SELENOI: variants seen among roughly 807,000 people sequenced by gnomAD.
SELENOI encodes ethanolaminephosphotransferase 1.
Under a neutral mutation model 50.7 loss-of-function variants are expected in SELENOI, and 24 were observed. That is an observed-to-expected ratio of 0.47 (90% CI 0.34 to 0.67). SELENOI has a LOEUF of 0.67. Among genes scored for constraint, SELENOI ranks in the 30% least tolerant of loss-of-function variants. The probability of loss-of-function intolerance (pLI) is 0.01; values close to 1 mark genes in which losing one functional copy is unlikely to be tolerated. For synonymous variants in SELENOI, 155 were observed against 170.2 expected, an observed-to-expected ratio of 0.91 and a Z score of 0.70; for missense variants, 352 against 461.4, an observed-to-expected ratio of 0.76 and a Z score of 2.17.
At chr2:26,359,133 A>C (rs1344255531) in intron 1 of SELENOI, among the ~76,000 whole-genome samples, 1 of 152,300 alleles carries the variant, frequency 6.6e-6, no homozygotes. Flanking sequence ...TCCAAGTGTT[A>C]TGTATTTGTT....
chr2:26,373,246 C>T (rs1414204744), intron 4 of SELENOI, 121 bp from the exon 5 acceptor site: 1 of 1,181,154 alleles, frequency 8.5e-7, no homozygotes. Context: ...CAGCTGATAG[C>T]TATACTTAAC....
At chr2:26,356,220 A>T (rs1197810266) in intron 1 of SELENOI, among the ~76,000 whole-genome samples, 1 of 152,012 alleles carries the variant, frequency 6.6e-6, no homozygotes, top group Admixed American at 6.6e-5. Context: ...GTACAGTGAC[A>T]TGTCATAGCT....
At chr2:26,352,732 C>T (rs978023293) in intron 1 of SELENOI, among the ~76,000 whole-genome samples, 1 of 151,320 alleles carries the variant, frequency 6.6e-6, no homozygotes, top group African/African-American at 2.4e-5. Context: ...TGCAGTGAGC[C>T]AAGATCGTGC....
chr2:26,354,997 G>C (rs370390774), intron 1 of SELENOI, among the ~76,000 whole-genome samples: 130 of 152,326 alleles, frequency 8.5e-4, no homozygotes, highest in African/African-American at 3.0e-3. Context: ...CATACCAGCT[G>C]TGTGATACTT....
Position 26,395,065 on chromosome 2 carries a change from G to C in SELENOI, c.*5962G>C, listed in dbSNP as rs1678059416. On this transcript the variant is annotated 3_prime_UTR_variant, in exon 10 of 10. Transcript: ENST00000260585. ...AATTGAACATATTAGTCATTGGTCT[G>C]TCTGGGACGTGCAGTGTTCATAGTA... 6.6e-6 allele frequency: 1 copy of C among 152,244 alleles called. No homozygotes were observed. The highest frequency in any genetic ancestry group is 2.4e-5 in the African/African-American group (1 of 41,464). The allele number at this position is 152,244 out of a possible 1,614,324, so 9.4% of individuals were successfully genotyped here.
chr2:26,370,824 C>A (rs1317529043), intron 4 of SELENOI, among the ~76,000 whole-genome samples: 1 of 123,596 alleles, frequency 8.1e-6, no homozygotes, highest in African/African-American at 3.4e-5. Flanking sequence ...GCTGGCCGGG[C>A]GGGGGGCTGA....
At chr2:26,385,783 G>A (rs1978652) in intron 8 of SELENOI, among the ~76,000 whole-genome samples, 14,150 of 152,112 alleles carry the variant, frequency 0.093, 1,648 homozygotes, top group East Asian at 0.57. Context: ...TGTTTGTAAC[G>A]TGTGTAATAT....
rs1678004183 is a variant in SELENOI, at chr2:26,392,975, T to G, written c.*3872T>G. Reference sequence around the variant, plus strand: ...ATGCTACATTTGAAGCACTCTGACATGTACATTTAAAGTGACAGTTTTAAA... The same window carrying G: ...ATGCTACATTTGAAGCACTCTGACAGGTACATTTAAAGTGACAGTTTTAAA... On this transcript the variant is annotated 3_prime_UTR_variant, in exon 10 of 10. Transcript: ENST00000260585. 6.6e-6 allele frequency: 1 copy of G among 152,502 alleles called. No individual in the cohort carries two copies. Among genetic ancestry groups the G allele is most frequent in the Non-Finnish European group, 1.5e-5 (1 of 68,038 alleles). 9.4% of individuals were successfully genotyped at this position (152,502 alleles called of 1,614,324 possible).
rs1449834024 is a variant in SELENOI, at chr2:26,375,109, A to C, written c.643A>C (p.Asn215His). ...VEAWYEPFLF[N>H]FLYRDLFTAM... ...GGCCTGGTATGAACCTTTCCTGTTT[A>C]ATTTCTTATATAGAGACCTATTCAC... The change falls in exon 6 of 10, where the codon AAT (asparagine) becomes CAT (histidine). Residue 215 changes from asparagine to histidine, a missense_variant. Physicochemically the swap from Asn to His is moderately conservative, Grantham distance 68 (BLOSUM62 1). Transcript: ENST00000260585. 6.2e-7 allele frequency: 1 copy of C among 1,612,686 alleles called. No homozygotes were observed. The highest frequency in any genetic ancestry group is 8.5e-7 in the Non-Finnish European group (1 of 1,179,014).
chr2:26,348,995 GCTT>G (rs1676887483), intron 1 of SELENOI, among the ~76,000 whole-genome samples: 3 of 86,946 alleles, frequency 3.5e-5, no homozygotes, highest in African/African-American at 1.1e-4. Context: ...TTTTGGACAG[GCTT>G]TTTTTTTTTT....
intron 4 of SELENOI, among the ~76,000 whole-genome samples, chr2:26,370,714 G>A (rs1432919067): frequency 1.4e-5 from 2 of 139,396 alleles, no homozygotes; most frequent in Non-Finnish European, 3.2e-5. Context: ...CTCACCTCCC[G>A]GACGGGGCGG....
At chr2:26,385,430 C>T (rs950283748) in intron 8 of SELENOI, among the ~76,000 whole-genome samples, 1 of 152,094 alleles carries the variant, frequency 6.6e-6, no homozygotes, top group African/African-American at 2.4e-5. Context: ...TATAGATTCC[C>T]TTTAGACTCT....
rs1412165631 is a variant in SELENOI, at chr2:26,346,292, AC to A, written c.57+5del. ...TGGCTGGCTTTGATAAGTACAAGGT[AC>A]CGCGGGCCGGCGGATGCCCCTCTCC... On this transcript the variant is annotated splice_donor_region_variant and intron_variant, in intron 1 of 9. Coordinates refer to ENST00000260585, the MANE Select transcript of SELENOI (RefSeq NM_033505.4). 3 of 1,605,592 alleles carry A rather than the reference AC, an allele frequency of 1.9e-6. No homozygotes were observed. In the Admixed American group the frequency reaches 5.0e-5, roughly 27 times the overall value.
At chr2:26,351,116 A>T (rs1263703980) in intron 1 of SELENOI, among the ~76,000 whole-genome samples, 1 of 138,638 alleles carries the variant, frequency 7.2e-6, no homozygotes, top group Non-Finnish European at 1.5e-5. Flanking sequence ...TGGAGTGCAG[A>T]GGTACAATCT....
chr2:26,385,964 C>T (rs1677833866), intron 8 of SELENOI, among the ~76,000 whole-genome samples: 1 of 152,220 alleles, frequency 6.6e-6, no homozygotes, highest in East Asian at 1.9e-4. Flanking sequence ...GGAGATAGCA[C>T]TTCTTCATCA....
At chr2:26,360,765 C>T (rs2384384) in intron 1 of SELENOI, among the ~76,000 whole-genome samples, 19,290 of 151,368 alleles carry the variant, frequency 0.13, 2,993 homozygotes, top group African/African-American at 0.37. Context: ...AGTGTAGGGC[C>T]CTCCTATCTT....
At position 26,373,331 on chromosome 2, in the gene SELENOI, A is replaced by G; in HGVS notation, c.311-36A>G. On this transcript the variant is annotated intron_variant, in intron 4 of 9. Coordinates refer to ENST00000260585, the MANE Select transcript of SELENOI (RefSeq NM_033505.4). ...GAAGACTTTCTCCATCCTGGTGCAT[A>G]CGTTGAACTTTTCCTGTGGTTTGTT... 2 of 1,583,092 alleles carry G rather than the reference A, an allele frequency of 1.3e-6. 1 individual carries two copies. The highest frequency in any genetic ancestry group is 2.3e-5 in the South Asian group (2 of 87,102).
chr2:26,371,029 T>G (rs1266763231), intron 4 of SELENOI, among the ~76,000 whole-genome samples: 2 of 137,430 alleles, frequency 1.5e-5, no homozygotes, highest in Non-Finnish European at 3.1e-5. Flanking sequence ...GCAGAGGGGC[T>G]CCTCACTTCC....
intron 4 of SELENOI, among the ~76,000 whole-genome samples, chr2:26,371,144 T>G (rs1328672241): frequency 2.4e-5 from 3 of 127,122 alleles, no homozygotes; most frequent in South Asian, 2.7e-4. Context: ...GCGGCTGGGC[T>G]GGCGGGGGGC....
Sources: gnomAD v4.1 joint callset for allele counts (sites outside exome capture counted in the v4.1 genomes callset) on GRCh38, gnomAD v4.1.1 for gene constraint, MANE v1.5 for transcripts, NCBI Gene and HGNC (gene_info 2026-07-23, HGNC 2026-07-21) for gene names.